SNTB1: variants seen among roughly 807,000 people sequenced by gnomAD.
SNTB1 encodes beta-1-syntrophin.
In SNTB1, 36 loss-of-function variants were observed where a neutral mutation model predicts 48.9. That is an observed-to-expected ratio of 0.74 (90% CI 0.56 to 0.97). The LOEUF (loss-of-function observed/expected upper bound fraction) is 0.97, where lower values mean the gene tolerates loss of function less well. Among genes scored for constraint, SNTB1 ranks in the 50% least tolerant of loss-of-function variants. The pLI is 0.00. For missense variants in SNTB1, 786 were observed against 703.4 expected, an observed-to-expected ratio of 1.12 and a Z score of -1.33; for synonymous variants, 299 against 294.6, an observed-to-expected ratio of 1.01 and a Z score of -0.15.
intron 1 of SNTB1, among the ~76,000 whole-genome samples, chr8:120,733,348 G>T (rs59495531): frequency 6.6e-6 from 1 of 152,184 alleles, no homozygotes; most frequent in South Asian, 2.1e-4. Context: ...GCAATTGGTG[G>T]TCCACGCATA....
At chr8:120,591,552 C>G (rs1009278056) in intron 3 of SNTB1, among the ~76,000 whole-genome samples, 15 of 152,098 alleles carry the variant, frequency 9.9e-5, no homozygotes, top group Non-Finnish European at 1.6e-4. Context: ...AGGTTTTGGA[C>G]AGAAAACACG....
intron 1 of SNTB1, among the ~76,000 whole-genome samples, chr8:120,789,440 A>G (rs1028040751): frequency 1.3e-5 from 2 of 151,990 alleles, no homozygotes; most frequent in African/African-American, 4.8e-5. Flanking sequence ...AAATCAATGA[A>G]ACAAAAAGCT....
chr8:120,685,322 C>T (rs145954188), intron 2 of SNTB1, among the ~76,000 whole-genome samples: 105 of 152,342 alleles, frequency 6.9e-4, no homozygotes, highest in African/African-American at 2.4e-3. Context: ...TCTTTCTGGG[C>T]CCCAAGGCCC....
At chr8:120,656,663 C>T (rs1243408297) in intron 2 of SNTB1, among the ~76,000 whole-genome samples, 1 of 152,204 alleles carries the variant, frequency 6.6e-6, no homozygotes, top group Non-Finnish European at 1.5e-5. Context: ...TCCTACAGCC[C>T]AATCTAGATC....
rs933961432 is a variant in SNTB1 at position 120,792,119 on chromosome 8, ACC to A, written c.571+19152_571+19153del. On this transcript the variant is annotated intron_variant, in intron 1 of 6. Transcript: ENST00000517992. ...TAAAGAAGCACACACACACACACACACCCACACACACATACATACACCCACAC... is the reference window on the plus strand; with the variant it reads ...TAAAGAAGCACACACACACACACACACACACACACATACATACACCCACAC... Among the ~76,000 whole-genome samples the A allele has an allele frequency of 5.5e-5, 8 of 146,786 alleles. 1 individual carries two copies. The highest frequency in any genetic ancestry group is 9.1e-5 in the Non-Finnish European group (6 of 66,066).
At chr8:120,584,903 C>T (rs1355136996) in intron 3 of SNTB1, among the ~76,000 whole-genome samples, 2 of 152,010 alleles carry the variant, frequency 1.3e-5, no homozygotes, top group Non-Finnish European at 2.9e-5. Flanking sequence ...GTTTCCATGC[C>T]AAGGAATGCC....
intron 1 of SNTB1, among the ~76,000 whole-genome samples, chr8:120,739,165 A>G (rs1378646832): frequency 6.6e-6 from 1 of 152,206 alleles, no homozygotes; most frequent in Admixed American, 6.5e-5. Context: ...GCTCTGGAAA[A>G]ACCCCAATGC....
chr8:120,585,849 AACAACATATAACATGAAT>A (rs1401375951), intron 3 of SNTB1, among the ~76,000 whole-genome samples: 2 of 152,244 alleles, frequency 1.3e-5, no homozygotes, highest in African/African-American at 2.4e-5. Flanking sequence ...TCATATGTTT[AACAACATATAACATGAAT>A]ACAGTGGGTT....
At chr8:120,612,184 A>G (rs1321162284) in intron 3 of SNTB1, among the ~76,000 whole-genome samples, 1 of 152,258 alleles carries the variant, frequency 6.6e-6, no homozygotes, top group African/African-American at 2.4e-5. Flanking sequence ...TATAATAACA[A>G]TAACAGTAGC....
At chr8:120,698,845 G>C (rs142783574) in intron 1 of SNTB1, among the ~76,000 whole-genome samples, 55 of 152,210 alleles carry the variant, frequency 3.6e-4, no homozygotes, top group African/African-American at 1.1e-3. Flanking sequence ...AAAACTTCAT[G>C]GTTCTCTGTT....
intron 1 of SNTB1, among the ~76,000 whole-genome samples, chr8:120,766,968 C>T (rs993390297): frequency 2.0e-5 from 3 of 151,862 alleles, no homozygotes; most frequent in Non-Finnish European, 4.4e-5. Flanking sequence ...AATGATTATC[C>T]CAGAGTTTTT....
At chr8:120,564,763 G>T (rs1815723219) in intron 4 of SNTB1, among the ~76,000 whole-genome samples, 1 of 151,666 alleles carries the variant, frequency 6.6e-6, no homozygotes, top group Admixed American at 6.6e-5. Context: ...TAGAGATGGG[G>T]TTTCACCACG....
At position 120,538,964 on chromosome 8, in the gene SNTB1, C is replaced by T. The variant is rs761880181; in HGVS notation, c.1530G>A (p.Leu510=). Reference sequence around the variant, plus strand: ...TTGGCTTGGGGCAGGAATGAAGGTCCAGTTGCTGAAATTTAAAAAGAAGAG... The same window carrying T: ...TTGGCTTGGGGCAGGAATGAAGGTCTAGTTGCTGAAATTTAAAAAGAAGAG... ...DFGGKDGEIQ[L]DLHSCPKPIV... The change falls in exon 7 of 7, where the codon CTG becomes CTA. Residue 510 remains leucine (L), a synonymous_variant. Coordinates refer to ENST00000517992, the MANE Select transcript of SNTB1 (RefSeq NM_021021.4). 4.4e-6 allele frequency: 7 copies of T among 1,608,472 alleles called. No homozygotes were observed. The highest frequency in any genetic ancestry group is 5.9e-6 in the Non-Finnish European group (7 of 1,178,256).
intron 3 of SNTB1, among the ~76,000 whole-genome samples, chr8:120,611,824 A>G (rs901796826): frequency 2.3e-4 from 13 of 57,114 alleles, no homozygotes; most frequent in African/African-American, 3.8e-4. Context: ...TCTGTCTCGA[A>G]AAAAAAAAAA....
In SNTB1 at chr8:120,691,015, ATG is replaced by A. The variant is rs200815627; in HGVS notation, c.788+2675_788+2676del. On this transcript the variant is annotated intron_variant, in intron 2 of 6. Coordinates refer to ENST00000517992, the MANE Select transcript of SNTB1 (RefSeq NM_021021.4). ...CTCCCTCTCCCACAGGGGAAGCCCT[ATG>A]TATAATCGTCAATGGTGGACTTGAC... Among the ~76,000 whole-genome samples, 1,061 of 152,330 alleles carry A rather than the reference ATG, an allele frequency of 7.0e-3. 14 individuals are homozygous for A. In the Middle Eastern group the frequency reaches 0.095, roughly 14 times the overall value.
At chr8:120,742,871 C>T (rs534771039) in intron 1 of SNTB1, among the ~76,000 whole-genome samples, 87 of 152,298 alleles carry the variant, frequency 5.7e-4, no homozygotes, top group Middle Eastern at 3.4e-3. Flanking sequence ...GATCAACTCA[C>T]ACCTTGGGAG....
intron 2 of SNTB1, among the ~76,000 whole-genome samples, chr8:120,670,671 T>G (rs1817744249): frequency 6.6e-6 from 1 of 152,232 alleles, no homozygotes; most frequent in Non-Finnish European, 1.5e-5. Context: ...TGGGGGAACC[T>G]AGATCTTTAA....
chr8:120,766,932 C>G (rs541727130), intron 1 of SNTB1, among the ~76,000 whole-genome samples: 2 of 152,226 alleles, frequency 1.3e-5, no homozygotes, highest in East Asian at 3.9e-4. Flanking sequence ...CATTTAGAAG[C>G]CAGGCATCTT....
chr8:120,595,102 T>TCA (rs1415405291), intron 3 of SNTB1, among the ~76,000 whole-genome samples: 1 of 152,046 alleles, frequency 6.6e-6, no homozygotes, highest in Non-Finnish European at 1.5e-5. Flanking sequence ...ACTGCACAGG[T>TCA]TCCTGGGCTA....
Sources: gnomAD v4.1 joint callset for allele counts (sites outside exome capture counted in the v4.1 genomes callset) on GRCh38, gnomAD v4.1.1 for gene constraint, MANE v1.5 for transcripts, NCBI Gene and HGNC (gene_info 2026-07-23, HGNC 2026-07-21) for gene names.